The following PCDHA4 variants were observed in gnomAD, a reference collection of about 807,000 sequenced individuals.
The protein encoded by PCDHA4 is protocadherin alpha 4, also known as protocadherin alpha-4.
In PCDHA4, 49 loss-of-function variants were observed where a neutral mutation model predicts 61.4. The ratio of observed to expected loss-of-function variants is 0.80; its 90% confidence interval spans 0.63 to 1.01. PCDHA4 has a LOEUF of 1.01. Ranked by LOEUF, PCDHA4 falls within the 50% of genes least tolerant of loss-of-function variation. The pLI is 0.00. For missense variants in PCDHA4, 1,254 were observed against 1,235.8 expected, an observed-to-expected ratio of 1.01 and a Z score of -0.22; for synonymous variants, 590 against 550.3, an observed-to-expected ratio of 1.07 and a Z score of -1.01.
intron 1 of PCDHA4, among the ~76,000 whole-genome samples, chr5:140,889,446 TTAATC>T (rs1274795213): frequency 7.2e-5 from 11 of 152,204 alleles, no homozygotes; most frequent in African/African-American, 2.4e-4. Flanking sequence ...ATTTTCCTGT[TTAATC>T]TAAATTTTCA....
chr5:140,808,081 T>C lies in PCDHA4; in HGVS notation c.894T>C (p.Ile298=), dbSNP rs782221936. The C allele has an allele frequency of 1.2e-6, 2 of 1,614,036 alleles. No homozygotes were observed. Among genetic ancestry groups the C allele is most frequent in the Non-Finnish European group, 1.7e-6 (2 of 1,179,902 alleles). Residue 298 remains isoleucine (I), a synonymous_variant, in exon 1 of 4, where the codon ATT becomes ATC. Coordinates refer to ENST00000530339, the MANE Select transcript of PCDHA4 (RefSeq NM_018907.4). The part of the protein sequence containing the change: ...NVKSKFHIDP[I]TGQIIVKGYI... ...AATCCAAGTTTCACATAGATCCAAT[T>C]ACTGGACAAATTATTGTAAAGGGAT...
intron 2 of PCDHA4, among the ~76,000 whole-genome samples, chr5:140,979,714 T>G (rs1428916313): frequency 4.6e-5 from 7 of 152,270 alleles, no homozygotes; most frequent in African/African-American, 1.7e-4. Context: ...TGATCCAGTA[T>G]CCATGCCATG....
At chr5:140,908,529 T>C (rs1250814293) in intron 1 of PCDHA4, among the ~76,000 whole-genome samples, 1 of 152,178 alleles carries the variant, frequency 6.6e-6, no homozygotes, top group Non-Finnish European at 1.5e-5. Flanking sequence ...AAATGTTCAG[T>C]TTCCACCAAA....
intron 1 of PCDHA4, chr5:140,857,917 G>A: frequency 6.3e-7 from 1 of 1,597,868 alleles, no homozygotes; most frequent in South Asian, 1.1e-5. Context: ...CGTTTCGCGT[G>A]GGGCTGTACA....
At chr5:140,953,580 A>G (rs1053710021) in intron 1 of PCDHA4, among the ~76,000 whole-genome samples, 23 of 151,934 alleles carry the variant, frequency 1.5e-4, no homozygotes, top group Non-Finnish European at 2.4e-4. Context: ...CTCTCCCAAA[A>G]CTGCCTCCTT....
intron 3 of PCDHA4, among the ~76,000 whole-genome samples, chr5:140,990,966 A>G (rs2097424130): frequency 6.6e-6 from 1 of 152,214 alleles, no homozygotes; most frequent in Non-Finnish European, 1.5e-5. Context: ...GTCTCTTAGA[A>G]CAAGAGAAAG....
At chr5:140,817,247 G>T (rs998574774) in intron 1 of PCDHA4, 2 of 152,240 alleles carry the variant, frequency 1.3e-5, no homozygotes, top group Non-Finnish European at 2.9e-5. Context: ...GACAGGAGCT[G>T]GGAATTTCCC....
At chr5:140,869,359 G>A in intron 1 of PCDHA4, 1 of 1,614,110 alleles carries the variant, frequency 6.2e-7, no homozygotes, top group Non-Finnish European at 8.5e-7. Context: ...CATTTTGTTT[G>A]TGAATTCTCG....
At chr5:140,971,689 T>C (rs149234216) in intron 1 of PCDHA4, among the ~76,000 whole-genome samples, 1 of 152,306 alleles carries the variant, frequency 6.6e-6, no homozygotes, top group East Asian at 1.9e-4. Context: ...GAATTTGTAC[T>C]CACTAACCAC....
intron 1 of PCDHA4, among the ~76,000 whole-genome samples, chr5:140,941,191 T>TTTTC (rs1217097209): frequency 2.1e-5 from 2 of 93,206 alleles, no homozygotes; most frequent in African/African-American, 7.9e-5. Flanking sequence ...GCTTCTTTTT[T>TTTTC]TTTCTTTCTT....
chr5:140,851,102 G>C, intron 1 of PCDHA4: 1 of 1,288,626 alleles, frequency 7.8e-7, no homozygotes, highest in African/African-American at 1.5e-5. Context: ...ATATTTTTTG[G>C]GTGCTGAATC....
Position 140,836,245 on chromosome 5 carries a change from C to G in PCDHA4, c.2385+26673C>G, listed in dbSNP as rs199869403. ...CCGGTGGCGGCCGGTGCGAGCATCCCGTTCCGCGTGGGGCTGTACACTGGT... is the reference window on the plus strand; with the variant it reads ...CCGGTGGCGGCCGGTGCGAGCATCCGGTTCCGCGTGGGGCTGTACACTGGT... On this transcript the variant is annotated intron_variant, in intron 1 of 3. Coordinates refer to ENST00000530339, the MANE Select transcript of PCDHA4 (RefSeq NM_018907.4). 11 of 1,613,768 alleles carry G rather than the reference C, an allele frequency of 6.8e-6. No individual in the cohort carries two copies. The Admixed American group carries it at 1.0e-4, about 15-fold the overall frequency.
At chr5:140,954,919 C>A (rs246021) in intron 1 of PCDHA4, among the ~76,000 whole-genome samples, 85,722 of 151,952 alleles carry the variant, frequency 0.56, 24,790 homozygotes, top group African/African-American at 0.69. Flanking sequence ...TTATGAATTA[C>A]GTCTTTAATT....
chr5:140,990,555 G>C (rs1176257375), intron 3 of PCDHA4, among the ~76,000 whole-genome samples: 1 of 152,130 alleles, frequency 6.6e-6, no homozygotes, highest in African/African-American at 2.4e-5. Context: ...TATTACCCAA[G>C]AACACACACC....
chr5:140,885,516 T>A (rs1235698672), intron 1 of PCDHA4, among the ~76,000 whole-genome samples: 2 of 152,198 alleles, frequency 1.3e-5, no homozygotes, highest in Non-Finnish European at 2.9e-5. Flanking sequence ...TGCTGTGCTA[T>A]CATTTCATAT....
chr5:140,966,986 C>G (rs1364396774), intron 1 of PCDHA4: 1 of 1,603,766 alleles, frequency 6.2e-7, no homozygotes, highest in African/African-American at 1.3e-5. Flanking sequence ...GCGCTTGGGG[C>G]CGGGTTGCTT....
intron 1 of PCDHA4, among the ~76,000 whole-genome samples, chr5:140,955,006 C>G (rs1304080416): frequency 6.6e-6 from 1 of 152,154 alleles, no homozygotes; most frequent in African/African-American, 2.4e-5. Flanking sequence ...AGCCAATTCT[C>G]CCAGCACCAT....
chr5:141,004,982 A>G (rs1445212778), intron 3 of PCDHA4, among the ~76,000 whole-genome samples: 2 of 152,234 alleles, frequency 1.3e-5, no homozygotes, highest in African/African-American at 2.4e-5. Flanking sequence ...TTGCAGTATC[A>G]TTATCTTGGT....
Position 140,824,163 on chromosome 5 carries a change from C to T in PCDHA4, c.2385+14591C>T. 3.1e-6 allele frequency: 5 copies of T among 1,610,816 alleles called. 1 individual carries two copies. The Middle Eastern group carries it at 5.0e-4, about 160-fold the overall frequency. ...TAATATTAACATCCATCTTTCCCTC[C>T]CAATTTTCAAATATTAAATGTCACA... On this transcript the variant is annotated intron_variant, in intron 1 of 3. Transcript: ENST00000530339.
Sources: allele counts gnomAD v4.1 joint callset (sites outside exome capture counted in the v4.1 genomes callset), GRCh38; gene constraint gnomAD v4.1.1; transcripts MANE v1.5; gene names NCBI Gene and HGNC (gene_info 2026-07-23, HGNC 2026-07-21).